The following SIMC1 variants were observed in gnomAD, a reference collection of about 807,000 sequenced individuals.
SIMC1 encodes SUMO interacting motifs containing 1.
In SIMC1, 55 loss-of-function variants were observed where a neutral mutation model predicts 82.3. The observed-to-expected ratio is 0.67, with a 90% CI of 0.54 to 0.84. The LOEUF (loss-of-function observed/expected upper bound fraction) is 0.84. Among genes scored for constraint, SIMC1 ranks in the 40% least tolerant of loss-of-function variants. The pLI, the probability that SIMC1 is intolerant of heterozygous loss-of-function variation, is 0.00. For synonymous variants in SIMC1, 353 were observed against 426.3 expected (o/e 0.83, Z 2.12); for missense variants, 915 against 1,107.2 (o/e 0.83, Z 2.46).
chr5:176,345,319 G>T lies in SIMC1; in HGVS notation c.2550G>T (p.Gln850His), dbSNP rs1017507216. 3 of 1,613,890 alleles carry T rather than the reference G, an allele frequency of 1.9e-6. No individual in the cohort carries two copies. The highest frequency in any genetic ancestry group is 2.5e-6 in the Non-Finnish European group (3 of 1,179,912). Reference protein sequence around the residue: ...QIEAFRSRLIQMLGEPLVPQL... With the variant: ...QIEAFRSRLIHMLGEPLVPQL... Reference sequence around the variant, plus strand: ...AGGCCTTCCGCAGCCGCCTGATCCAGATGCTGGGGGAGCCTCTTGTCCCCC... The same window carrying T: ...AGGCCTTCCGCAGCCGCCTGATCCATATGCTGGGGGAGCCTCTTGTCCCCC... Residue 850 changes from glutamine (Q) to histidine (H), a missense_variant, in exon 10 of 10, where the codon CAG becomes CAT. Around this residue, in one of 2 missense-constraint regions of SIMC1, gnomAD observed 902 missense variants for 1,040.3 expected, o/e 0.87. Coordinates refer to ENST00000429602, the MANE Select transcript of SIMC1 (RefSeq NM_001308195.2).
intron 1 of SIMC1, among the ~76,000 whole-genome samples, chr5:176,242,767 A>G (rs1761315217): frequency 1.3e-5 from 2 of 152,092 alleles, no homozygotes; most frequent in South Asian, 4.1e-4. Flanking sequence ...TATTCCATAA[A>G]TATTTATTGA....
Position 176,276,317 on chromosome 5 carries a change from T to C in SIMC1, c.130-13337T>C, listed in dbSNP as rs1246594436. On this transcript the variant is annotated intron_variant, in intron 1 of 9. Coordinates refer to ENST00000429602, the MANE Select transcript of SIMC1 (RefSeq NM_001308195.2). The stretch of plus-strand genomic sequence containing the variant: ...TGTATTTCTTTGGGATCGGTGGTGA[T>C]CTCCCCTTTATCATTTTTTATTGCG... Among the ~76,000 whole-genome samples, 22 of 151,746 alleles carry C rather than the reference T, an allele frequency of 1.4e-4. 1 individual carries two copies. Among genetic ancestry groups the C allele is most frequent in the Non-Finnish European group, 3.1e-4 (21 of 67,854 alleles).
chr5:176,280,397 A>G (rs973775076), intron 1 of SIMC1, among the ~76,000 whole-genome samples: 2 of 151,986 alleles, frequency 1.3e-5, no homozygotes, highest in Non-Finnish European at 2.9e-5. Flanking sequence ...CCAATTTGCC[A>G]GTCTGTGTCT....
Position 176,279,720 on chromosome 5 carries a change from T to G in SIMC1, c.130-9934T>G, listed in dbSNP as rs1278979373. 4.0e-5 allele frequency among the ~76,000 whole-genome samples: 6 copies of G among 151,262 alleles called. No homozygotes were observed. The Admixed American group carries it at 4.0e-4, about 10-fold the overall frequency. On this transcript the variant is annotated intron_variant, in intron 1 of 9. Transcript: ENST00000429602. The stretch of plus-strand genomic sequence containing the variant: ...AAGAACATCTTTATTTCTGCCTTCA[T>G]TTCGTTATGTACCCAGTAGTCATTC...
intron 1 of SIMC1, among the ~76,000 whole-genome samples, chr5:176,269,449 G>A (rs1184584021): frequency 1.3e-5 from 2 of 152,206 alleles, no homozygotes; most frequent in Non-Finnish European, 2.9e-5. Flanking sequence ...AAAAACACAA[G>A]TCATAAAACT....
intron 5 of SIMC1, among the ~76,000 whole-genome samples, chr5:176,319,135 A>G (rs1346668656): frequency 2.0e-5 from 3 of 152,042 alleles, no homozygotes; most frequent in Non-Finnish European, 4.4e-5. Context: ...GTCATAAGCT[A>G]TTTTGATTAC....
At chr5:176,241,699 T>C (rs1191668354) in intron 1 of SIMC1, among the ~76,000 whole-genome samples, 1 of 151,638 alleles carries the variant, frequency 6.6e-6, no homozygotes, top group Non-Finnish European at 1.5e-5. Flanking sequence ...ACCAGTAACA[T>C]AAGCAGTTAA....
chr5:176,258,018 A>G (rs537758806), intron 1 of SIMC1, among the ~76,000 whole-genome samples: 1 of 152,320 alleles, frequency 6.6e-6, no homozygotes, highest in Admixed American at 6.5e-5. Context: ...TAATTAAAGG[A>G]GAGTTAATGT....
Position 176,336,935 on chromosome 5 carries a change from A to G in SIMC1, c.2328+59A>G, listed in dbSNP as rs1039576450. On this transcript the variant is annotated intron_variant, in intron 8 of 9. Coordinates refer to ENST00000429602, the MANE Select transcript of SIMC1 (RefSeq NM_001308195.2). ...GCACCTCTCTTTGCTCTAGGCCCGAACCCTTCCCATAGGATTTTAGCTTAA... is the reference window on the plus strand; with the variant it reads ...GCACCTCTCTTTGCTCTAGGCCCGAGCCCTTCCCATAGGATTTTAGCTTAA... The G allele has an allele frequency of 1.1e-5, 17 of 1,605,472 alleles. No individual in the cohort carries two copies. The African/African-American group carries it at 1.5e-4, about 14-fold the overall frequency.
intron 1 of SIMC1, among the ~76,000 whole-genome samples, chr5:176,253,824 A>T (rs7732158): frequency 0.59 from 89,018 of 152,028 alleles, 26,178 homozygotes; most frequent in Middle Eastern, 0.63. Flanking sequence ...TTAAAAAGAA[A>T]AATAGAAAGT....
At chr5:176,313,641 C>A in intron 4 of SIMC1, 50 bp from the exon 5 acceptor site, 1 of 1,605,352 alleles carries the variant, frequency 6.2e-7, no homozygotes, top group South Asian at 1.1e-5. Flanking sequence ...TGTTGACTGT[C>A]ATCCAAGAGA....
chr5:176,329,321 A>C (rs985692428), intron 7 of SIMC1, among the ~76,000 whole-genome samples: 2 of 152,020 alleles, frequency 1.3e-5, no homozygotes, highest in African/African-American at 4.8e-5. Context: ...AATACAAAAA[A>C]TTAGCCGGGT....
intron 1 of SIMC1, among the ~76,000 whole-genome samples, chr5:176,277,194 G>A (rs1378632339): frequency 6.6e-6 from 1 of 151,722 alleles, no homozygotes; most frequent in Admixed American, 6.6e-5. Context: ...TTCTCTGATG[G>A]CCAGTGATGA....
At chr5:176,305,109 G>A (rs373998168) in intron 4 of SIMC1, among the ~76,000 whole-genome samples, 4 of 142,258 alleles carry the variant, frequency 2.8e-5, no homozygotes, top group East Asian at 2.2e-4. Context: ...GGTCAGCCCC[G>A]ACGCCCGGCC....
intron 2 of SIMC1, among the ~76,000 whole-genome samples, chr5:176,291,198 C>T (rs1193715265): frequency 2.4e-5 from 3 of 126,496 alleles, no homozygotes; most frequent in East Asian, 2.4e-4. Context: ...GAGTCTTGCT[C>T]TGTCTCCCAG....
At chr5:176,293,503 G>T (rs1393648477) in intron 2 of SIMC1, among the ~76,000 whole-genome samples, 2 of 151,882 alleles carry the variant, frequency 1.3e-5, no homozygotes, top group East Asian at 3.9e-4. Flanking sequence ...AGCACTTTGG[G>T]AAGCCAAGAC....
intron 7 of SIMC1, among the ~76,000 whole-genome samples, chr5:176,329,313 T>C (rs1765528138): frequency 6.6e-6 from 1 of 151,808 alleles, no homozygotes; most frequent in African/African-American, 2.4e-5. Context: ...CTTCTAAAAA[T>C]ACAAAAAATT....
chr5:176,317,053 C>T (rs2113354945), intron 5 of SIMC1, among the ~76,000 whole-genome samples: 1 of 152,238 alleles, frequency 6.6e-6, no homozygotes, highest in East Asian at 1.9e-4. Context: ...TAGGCCAGGT[C>T]CTCTGTTTTG....
At chr5:176,251,326 C>T (rs1186484359) in intron 1 of SIMC1, among the ~76,000 whole-genome samples, 2 of 152,180 alleles carry the variant, frequency 1.3e-5, no homozygotes, top group Non-Finnish European at 2.9e-5. Flanking sequence ...TGCCACTGCA[C>T]TCCAGCCTGG....
Sources: allele counts gnomAD v4.1 joint callset (sites outside exome capture counted in the v4.1 genomes callset), GRCh38; gene constraint gnomAD v4.1.1; regional missense constraint gnomAD v4.1.1; transcripts MANE v1.5; gene names NCBI Gene and HGNC (gene_info 2026-07-23, HGNC 2026-07-21).